Variants in NELL2 observed in about 807,000 individuals in gnomAD.
NELL2 encodes the protein neural EGFL like 2.
A neutral mutation model predicts 109.6 loss-of-function variants in NELL2; 41 were observed. The ratio of observed to expected loss-of-function variants is 0.37; its 90% CI spans 0.29 to 0.49. NELL2 has a LOEUF of 0.49. NELL2 is among the 20% of genes least tolerant of loss of function. The probability of loss-of-function intolerance (pLI) is 0.98; values close to 1 mark genes in which losing one functional copy is unlikely to be tolerated. For synonymous variants in NELL2, 355 were observed against 344.7 expected (o/e 1.03, Z -0.33); for missense variants, 900 against 1,008.3 (o/e 0.89, Z 1.45).
At chr12:44,539,402 T>G (rs1482497058) in intron 15 of NELL2, among the ~76,000 whole-genome samples, 1 of 152,156 alleles carries the variant, frequency 6.6e-6, no homozygotes, top group Non-Finnish European at 1.5e-5. Flanking sequence ...TCATTGATTC[T>G]ATATATCGAC....
chr12:44,851,600 A>G (rs1322105375), intron 2 of NELL2: 1 of 152,174 alleles, frequency 6.6e-6, no homozygotes, highest in Admixed American at 6.6e-5. Flanking sequence ...AGCTATAGCT[A>G]AAGATAGAAT....
At chr12:44,865,582 A>C (rs1944970804) in intron 2 of NELL2, among the ~76,000 whole-genome samples, 1 of 103,698 alleles carries the variant, frequency 9.6e-6, no homozygotes, top group Admixed American at 1.0e-4. Context: ...CAAACACCGC[A>C]TATTCTCACT....
chr12:44,635,983 T>G (rs966412946), intron 13 of NELL2, among the ~76,000 whole-genome samples: 9 of 152,214 alleles, frequency 5.9e-5, no homozygotes, highest in African/African-American at 2.2e-4. Context: ...GTAGTTCTCC[T>G]TGAAGAGGTC....
chr12:44,724,345 T>C (rs1356701653), intron 9 of NELL2, among the ~76,000 whole-genome samples: 1 of 151,754 alleles, frequency 6.6e-6, no homozygotes, highest in Non-Finnish European at 1.5e-5. Context: ...CTCAGCATCA[T>C]GCAGTTTATC....
chr12:44,605,949 A>G (rs906042910), intron 15 of NELL2, among the ~76,000 whole-genome samples: 3 of 152,124 alleles, frequency 2.0e-5, no homozygotes, highest in African/African-American at 7.2e-5. Flanking sequence ...GATAGTTACT[A>G]AAAACCTGTA....
chr12:44,770,343 T>C (rs1941499451), intron 9 of NELL2, among the ~76,000 whole-genome samples: 1 of 152,138 alleles, frequency 6.6e-6, no homozygotes, highest in African/African-American at 2.4e-5. Flanking sequence ...GTAGATACAA[T>C]TGTTATTTCC....
intron 12 of NELL2, among the ~76,000 whole-genome samples, chr12:44,682,001 C>T (rs1343880479): frequency 6.6e-6 from 1 of 151,812 alleles, no homozygotes; most frequent in Non-Finnish European, 1.5e-5. Context: ...ACACTGACTT[C>T]CACAATGATT....
At chr12:44,800,326 T>A (rs1475466368) in intron 3 of NELL2, among the ~76,000 whole-genome samples, 1 of 152,120 alleles carries the variant, frequency 6.6e-6, no homozygotes, top group Non-Finnish European at 1.5e-5. Context: ...TTTGGCGATA[T>A]CTTAAAATCC....
In NELL2 at chr12:44,876,036, G is replaced by T. The variant is rs1945308845; in HGVS notation, c.-167C>A. 2 of 1,482,882 alleles carry T rather than the reference G, an allele frequency of 1.3e-6. No homozygotes were observed. The highest frequency in any genetic ancestry group is 1.8e-6 in the Non-Finnish European group (2 of 1,123,054). 91.9% of individuals were successfully genotyped at this position (1,482,882 alleles called of 1,614,324 possible). A position where few individuals can be genotyped will look rare whatever the true frequency, so the allele number is the denominator to read the frequency against. On this transcript the variant is annotated 5_prime_UTR_variant, in exon 1 of 20. Transcript: ENST00000429094. ...TTGGTTGCCTAAGAAAGAAAAGGGA[G>T]GCCTCCCCAGGCGCGTGAAGAACTT... is the stretch of plus-strand genomic sequence containing the variant.
At chr12:44,683,838 A>G (rs186881204) in intron 12 of NELL2, among the ~76,000 whole-genome samples, 69 of 152,252 alleles carry the variant, frequency 4.5e-4, no homozygotes, top group African/African-American at 1.6e-3. Context: ...TTTATTGAGA[A>G]TTTTTGCATC....
At chr12:44,920,497 G>A (rs1286781443) in intron 1 of NELL2, among the ~76,000 whole-genome samples, 1 of 152,226 alleles carries the variant, frequency 6.6e-6, no homozygotes, top group East Asian at 1.9e-4. Context: ...GTTTCCTAAT[G>A]TAGTCTCATC....
intron 3 of NELL2, among the ~76,000 whole-genome samples, chr12:44,788,404 C>T (rs144878502): frequency 1.3e-5 from 2 of 152,284 alleles, no homozygotes; most frequent in African/African-American, 4.8e-5. Context: ...ACTGGGGAAA[C>T]TGAACGTCTG....
intron 2 of NELL2, among the ~76,000 whole-genome samples, chr12:44,850,034 C>T (rs1378085113): frequency 6.6e-6 from 1 of 152,102 alleles, no homozygotes; most frequent in African/African-American, 2.4e-5. Context: ...TGGTAATATG[C>T]TAAATCTTGT....
At chr12:44,726,990 ATGTT>A (rs1388416694) in intron 9 of NELL2, among the ~76,000 whole-genome samples, 2 of 152,096 alleles carry the variant, frequency 1.3e-5, no homozygotes, top group East Asian at 3.8e-4. Context: ...CTGTCAATGA[ATGTT>A]TGTCAAATCA....
intron 13 of NELL2, among the ~76,000 whole-genome samples, chr12:44,649,153 A>C (rs1947212850): frequency 6.6e-6 from 1 of 151,978 alleles, no homozygotes. Flanking sequence ...AAGCAGATTA[A>C]GGAGAAAGGA....
At chr12:44,574,933 A>G (rs559886917) in intron 15 of NELL2, among the ~76,000 whole-genome samples, 4 of 152,284 alleles carry the variant, frequency 2.6e-5, no homozygotes, top group African/African-American at 7.2e-5. Flanking sequence ...AGACAAAACT[A>G]TTTTTTATAG....
At chr12:44,787,923 A>G (rs1002448847) in intron 3 of NELL2, among the ~76,000 whole-genome samples, 3 of 152,196 alleles carry the variant, frequency 2.0e-5, no homozygotes, top group African/African-American at 7.2e-5. Flanking sequence ...GTTGACACCA[A>G]AAGCACTATC....
chr12:44,733,064 TAAC>T (rs1168725318), intron 9 of NELL2, among the ~76,000 whole-genome samples: 2 of 151,724 alleles, frequency 1.3e-5, no homozygotes, highest in African/African-American at 4.8e-5. Context: ...AAACAGAAAA[TAAC>T]AAGTGTTGGC....
At chr12:44,591,937 A>G (rs925321589) in intron 15 of NELL2, among the ~76,000 whole-genome samples, 2 of 152,220 alleles carry the variant, frequency 1.3e-5, no homozygotes, top group East Asian at 3.8e-4. Flanking sequence ...TAATAACAAT[A>G]CAAGGTAATT....
Sources: allele counts gnomAD v4.1 joint callset (sites outside exome capture counted in the v4.1 genomes callset), GRCh38; gene constraint gnomAD v4.1.1; transcripts MANE v1.5; gene names NCBI Gene and HGNC (gene_info 2026-07-23, HGNC 2026-07-21).